SUGCT: variants seen among roughly 807,000 people sequenced by gnomAD.
SUGCT encodes the protein succinyl-CoA:glutarate CoA-transferase.
SUGCT carries 41 observed loss-of-function variants against 55.0 expected under a neutral mutation model. The ratio of observed to expected loss-of-function variants is 0.74; its 90% CI spans 0.58 to 0.97. The LOEUF is 0.97. Ranked by LOEUF, SUGCT falls within the 50% of genes least tolerant of loss-of-function variation. SUGCT has a pLI of 0.00. For missense variants in SUGCT, 568 were observed against 547.8 expected (o/e 1.04, Z -0.37); for synonymous variants, 187 against 200.4 (o/e 0.93, Z 0.56).
At chr7:40,235,005 A>T (rs903942268) in intron 6 of SUGCT, among the ~76,000 whole-genome samples, 2 of 152,168 alleles carry the variant, frequency 1.3e-5, no homozygotes, top group African/African-American at 4.8e-5. Context: ...GTGGAAATAA[A>T]ATTGACCATG....
chr7:40,495,227 C>CTTTTTT (rs79094909), intron 11 of SUGCT, among the ~76,000 whole-genome samples: 1 of 138,576 alleles, frequency 7.2e-6, no homozygotes, highest in African/African-American at 2.6e-5. Flanking sequence ...TATTTCTATG[C>CTTTTTT]TTTTTTTTTT....
At chr7:40,190,840 A>G (rs1465359066) in intron 5 of SUGCT, among the ~76,000 whole-genome samples, 1 of 152,134 alleles carries the variant, frequency 6.6e-6, no homozygotes, top group Non-Finnish European at 1.5e-5. Flanking sequence ...GGCCCTGTGG[A>G]ACCTGCTTAT....
chr7:40,313,502 C>T (rs1584653139), intron 8 of SUGCT, among the ~76,000 whole-genome samples: 1 of 152,122 alleles, frequency 6.6e-6, no homozygotes, highest in East Asian at 1.9e-4. Context: ...ATTGGTAATA[C>T]CCCCTTTAAA....
intron 9 of SUGCT, among the ~76,000 whole-genome samples, chr7:40,446,361 G>C (rs1788836566): frequency 6.6e-6 from 1 of 151,962 alleles, no homozygotes; most frequent in Non-Finnish European, 1.5e-5. Flanking sequence ...CCACAAAAAA[G>C]CAAGCAAACA....
the SUGCT span, among the ~76,000 whole-genome samples, chr7:40,898,165 T>TAAG: frequency 0.077 from 11,759 of 152,066 alleles, 1,205 homozygotes; most frequent in African/African-American, 0.24. Flanking sequence ...GTGATGAACT[T>TAAG]AAGTCGGGAG....
chr7:40,988,333 C>T, the SUGCT span, among the ~76,000 whole-genome samples: 1 of 150,932 alleles, frequency 6.6e-6, no homozygotes, highest in South Asian at 2.1e-4. Context: ...AGGGTACAGG[C>T]AGCTCCAGGG....
At chr7:41,019,633 A>G in the SUGCT span, among the ~76,000 whole-genome samples, 1 of 152,180 alleles carries the variant, frequency 6.6e-6, no homozygotes, top group Non-Finnish European at 1.5e-5. Flanking sequence ...AAATTTATTG[A>G]ATCAAATTTT....
At chr7:40,445,728 C>T (rs746197828) in intron 9 of SUGCT, among the ~76,000 whole-genome samples, 40 of 152,236 alleles carry the variant, frequency 2.6e-4, no homozygotes, top group Non-Finnish European at 4.6e-4. Flanking sequence ...CCATGATGAA[C>T]ATCTATGCAA....
the SUGCT span, among the ~76,000 whole-genome samples, chr7:40,924,295 T>TGTG: frequency 1.3e-5 from 2 of 149,280 alleles, no homozygotes; most frequent in Middle Eastern, 3.4e-3. Context: ...TGTGTGTGTG[T>TGTG]AGTGGCATGA....
At chr7:40,244,821 A>G (rs1209948395) in intron 7 of SUGCT, among the ~76,000 whole-genome samples, 2 of 152,162 alleles carry the variant, frequency 1.3e-5, no homozygotes, top group African/African-American at 4.8e-5. Context: ...CATACAAACC[A>G]GGACAGTTTT....
At chr7:40,579,350 T>G (rs2151707228) in intron 12 of SUGCT, among the ~76,000 whole-genome samples, 1 of 152,276 alleles carries the variant, frequency 6.6e-6, no homozygotes, top group Non-Finnish European at 1.5e-5. Context: ...AGCCATGGTT[T>G]CTGGGCTTTG....
At chr7:40,583,054 G>A (rs1183771084) in intron 12 of SUGCT, among the ~76,000 whole-genome samples, 1 of 152,104 alleles carries the variant, frequency 6.6e-6, no homozygotes, top group Non-Finnish European at 1.5e-5. Context: ...AAAACTAGCA[G>A]CTCAATAATT....
the SUGCT span, among the ~76,000 whole-genome samples, chr7:40,958,105 A>T: frequency 6.6e-6 from 1 of 151,922 alleles, no homozygotes; most frequent in Non-Finnish European, 1.5e-5. Context: ...TTTTCTCTTC[A>T]TTTCAACCTT....
the SUGCT span, among the ~76,000 whole-genome samples, chr7:41,036,462 C>A: frequency 1.3e-5 from 2 of 152,084 alleles, no homozygotes; most frequent in Admixed American, 1.3e-4. Context: ...TGTATGAGCT[C>A]TTGGCAGCAT....
chr7:40,486,688 G>C (rs1248281645), intron 11 of SUGCT, among the ~76,000 whole-genome samples: 1 of 148,994 alleles, frequency 6.7e-6, no homozygotes, highest in Non-Finnish European at 1.5e-5. Flanking sequence ...TTCACGTCAA[G>C]AAATTTTATA....
intron 12 of SUGCT, among the ~76,000 whole-genome samples, chr7:40,511,898 A>G (rs961508082): frequency 6.6e-5 from 10 of 152,152 alleles, no homozygotes; most frequent in Non-Finnish European, 1.5e-4. Flanking sequence ...TCTTCATCAT[A>G]CTTGAGATTT....
chr7:40,847,411 C>CTTTTTTTTTTTTTTT (rs981613426), intron 13 of SUGCT, among the ~76,000 whole-genome samples: 5 of 75,398 alleles, frequency 6.6e-5, no homozygotes, highest in Admixed American at 3.3e-4. Context: ...TTCTTTCTTT[C>CTTTTTTTTTTTTTTT]TTTTTTTTTT....
intron 9 of SUGCT, among the ~76,000 whole-genome samples, chr7:40,347,794 G>A (rs1797399977): frequency 6.6e-6 from 1 of 152,150 alleles, no homozygotes; most frequent in Non-Finnish European, 1.5e-5. Flanking sequence ...AGGATATTGT[G>A]ATAGACATAT....
intron 6 of SUGCT, among the ~76,000 whole-genome samples, chr7:40,196,428 C>T (rs1786294213): frequency 6.6e-6 from 1 of 152,142 alleles, no homozygotes; most frequent in African/African-American, 2.4e-5. Context: ...CATCTGTGCT[C>T]TCTAGAGCAT....
Sources: allele counts gnomAD v4.1 joint callset (sites outside exome capture counted in the v4.1 genomes callset), GRCh38; gene constraint gnomAD v4.1.1; transcripts MANE v1.5; gene names NCBI Gene and HGNC (gene_info 2026-07-23, HGNC 2026-07-21).